MCF2L2: variants seen among roughly 807,000 people sequenced by gnomAD.
The protein encoded by MCF2L2 is probable guanine nucleotide exchange factor MCF2L2.
In MCF2L2, 102 loss-of-function variants were observed where a neutral mutation model predicts 150.2. That is an observed-to-expected ratio of 0.68 (90% CI 0.58 to 0.80). The LOEUF is 0.80. Ranked by LOEUF, MCF2L2 falls within the 30% of genes least tolerant of loss-of-function variation. The pLI is 0.00. For synonymous variants in MCF2L2, 465 were observed against 491.3 expected (o/e 0.95, Z 0.71); for missense variants, 1,256 against 1,372.8 (o/e 0.91, Z 1.34).
chr3:183,328,636 A>T (rs758724096), intron 5 of MCF2L2, among the ~76,000 whole-genome samples: 17 of 152,214 alleles, frequency 1.1e-4, no homozygotes, highest in Admixed American at 4.6e-4. Context: ...GAGTTCTGTG[A>T]TATGGCACCA....
rs1006840000 is a variant in MCF2L2, at chr3:183,280,762, C to T, written c.1777-3805G>A. Among the ~76,000 whole-genome samples the T allele has an allele frequency of 4.6e-5, 7 of 151,176 alleles. No individual in the cohort carries two copies. In the East Asian group the frequency reaches 1.2e-3, roughly 25 times the overall value. On this transcript the variant is annotated intron_variant, in intron 14 of 29. Transcript: ENST00000328913. ...ACTCGGGAGGCTGAGGCAGGAGAAT[C>T]GCTTGAACCCGGGAGACGGAGGTTG...
intron 1 of MCF2L2, among the ~76,000 whole-genome samples, chr3:183,411,864 G>C (rs1026437553): frequency 6.6e-6 from 1 of 152,168 alleles, no homozygotes; most frequent in Non-Finnish European, 1.5e-5. Flanking sequence ...GCTAAGCACA[G>C]AGAAAAACTT....
chr3:183,193,726 TA>T (rs2108636138), intron 26 of MCF2L2, among the ~76,000 whole-genome samples: 1 of 152,292 alleles, frequency 6.6e-6, no homozygotes, highest in East Asian at 1.9e-4. Flanking sequence ...CCTTCCTCTT[TA>T]CTGACCCAAA....
At chr3:183,266,610 G>A (rs1726151002) in intron 15 of MCF2L2, among the ~76,000 whole-genome samples, 1 of 152,178 alleles carries the variant, frequency 6.6e-6, no homozygotes, top group African/African-American at 2.4e-5. Flanking sequence ...GAGCAACTGA[G>A]AGAAAGTGGG....
chr3:183,260,305 T>C (rs919596694), intron 15 of MCF2L2, among the ~76,000 whole-genome samples: 3 of 152,098 alleles, frequency 2.0e-5, no homozygotes, highest in Non-Finnish European at 1.5e-5. Flanking sequence ...GACATACCCA[T>C]GGTAGTAACT....
chr3:183,259,661 T>G (rs997229909), intron 15 of MCF2L2, among the ~76,000 whole-genome samples: 1 of 152,146 alleles, frequency 6.6e-6, no homozygotes, highest in Non-Finnish European at 1.5e-5. Context: ...ACATCCTCCC[T>G]GAGTCCGGTA....
intron 10 of MCF2L2, among the ~76,000 whole-genome samples, chr3:183,301,853 G>A (rs975835723): frequency 1.2e-4 from 18 of 151,690 alleles, no homozygotes; most frequent in Admixed American, 2.0e-4. Context: ...AGAAAGACCC[G>A]ATTTTAAGAT....
At chr3:183,221,223 G>A (rs1398945889) in intron 20 of MCF2L2, among the ~76,000 whole-genome samples, 4 of 152,152 alleles carry the variant, frequency 2.6e-5, no homozygotes, top group Non-Finnish European at 5.9e-5. Flanking sequence ...TAGCTCCCAC[G>A]GCTCCTCACA....
intron 7 of MCF2L2, among the ~76,000 whole-genome samples, chr3:183,317,100 G>C (rs906490325): frequency 1.3e-5 from 2 of 152,172 alleles, no homozygotes; most frequent in African/African-American, 4.8e-5. Flanking sequence ...ACTAGACTCT[G>C]AGACTCTCCT....
rs182536314 is a variant in MCF2L2 at position 183,214,276 on chromosome 3, G to A, written c.2496+1693C>T. On this transcript the variant is annotated intron_variant, in intron 22 of 29. Transcript: ENST00000328913. ...ATTGTTCCCTTGACTTTCCTCAGGC[G>A]AAGAAAGAAGAATTATTACCAAGAA... Among the ~76,000 whole-genome samples the A allele has an allele frequency of 3.2e-4, 48 of 152,262 alleles. 1 individual carries two copies. Among genetic ancestry groups the A allele is most frequent in the Admixed American group, 2.7e-3 (41 of 15,298 alleles).
intron 1 of MCF2L2, among the ~76,000 whole-genome samples, chr3:183,417,985 C>T (rs142231080): frequency 0.086 from 13,083 of 152,088 alleles, 580 homozygotes; most frequent in African/African-American, 0.1. Flanking sequence ...GTCAGGAGTT[C>T]GAGACCAGCC....
intron 15 of MCF2L2, among the ~76,000 whole-genome samples, chr3:183,239,662 A>C (rs1037815400): frequency 1.4e-5 from 2 of 147,684 alleles, no homozygotes; most frequent in African/African-American, 5.1e-5. Flanking sequence ...CATTATTGTC[A>C]ACACAATTTG....
chr3:183,299,844 A>T, intron 11 of MCF2L2, 161 bp downstream of exon 11: 1 of 712,470 alleles, frequency 1.4e-6, no homozygotes, highest in Non-Finnish European at 2.2e-6. Flanking sequence ...GTATACTTCT[A>T]CACCCCAGGA....
At chr3:183,309,335 C>T (rs1729253793) in intron 10 of MCF2L2, among the ~76,000 whole-genome samples, 1 of 152,062 alleles carries the variant, frequency 6.6e-6, no homozygotes, top group South Asian at 2.1e-4. Context: ...CCCCCAGCCC[C>T]CTAGTCCAGG....
At chr3:183,188,232 G>A (rs573327227) in intron 27 of MCF2L2, among the ~76,000 whole-genome samples, 1 of 152,266 alleles carries the variant, frequency 6.6e-6, no homozygotes, top group South Asian at 2.1e-4. Context: ...CACAGCCAAG[G>A]ACCAACTGCA....
chr3:183,219,150 A>G (rs1410751430), intron 21 of MCF2L2, among the ~76,000 whole-genome samples: 2 of 152,228 alleles, frequency 1.3e-5, no homozygotes, highest in Non-Finnish European at 2.9e-5. Context: ...ACACACACAC[A>G]CAGAGGAGAA....
chr3:183,400,972 T>C (rs1714721871), intron 1 of MCF2L2, among the ~76,000 whole-genome samples: 1 of 152,200 alleles, frequency 6.6e-6, no homozygotes, highest in African/African-American at 2.4e-5. Context: ...AGATTCACTA[T>C]CTGAGCAGGC....
At chr3:183,362,349 T>C (rs1712261622) in intron 3 of MCF2L2, among the ~76,000 whole-genome samples, 1 of 152,124 alleles carries the variant, frequency 6.6e-6, no homozygotes, top group African/African-American at 2.4e-5. Context: ...GTGATCCACC[T>C]GCCTCGGCCT....
At chr3:183,230,555 A>AT (rs1354472525) in intron 16 of MCF2L2, among the ~76,000 whole-genome samples, 1 of 152,200 alleles carries the variant, frequency 6.6e-6, no homozygotes, top group Non-Finnish European at 1.5e-5. Flanking sequence ...CGTACATATA[A>AT]TTTTTTCCTT....
Sources: gnomAD v4.1 joint callset for allele counts (sites outside exome capture counted in the v4.1 genomes callset) on GRCh38, gnomAD v4.1.1 for gene constraint, MANE v1.5 for transcripts, NCBI Gene and HGNC (gene_info 2026-07-23, HGNC 2026-07-21) for gene names.